TOP2A: variants seen among roughly 807,000 people sequenced by gnomAD.
The protein encoded by TOP2A is DNA topoisomerase II alpha, also known as DNA topoisomerase 2-alpha.
In TOP2A, 68 loss-of-function variants were observed where a neutral mutation model predicts 187.2. That is an observed-to-expected ratio of 0.36 (90% CI 0.30 to 0.44). The LOEUF is 0.44. Among genes scored for constraint, TOP2A ranks in the 20% least tolerant of loss-of-function variants. TOP2A has a pLI of 1.00. For synonymous variants in TOP2A, 542 were observed against 593.2 expected (o/e 0.91, Z 1.25); for missense variants, 1,196 against 1,808.7 (o/e 0.66, Z 6.14).
intron 10 of TOP2A, chr17:40,409,345 C>CA: frequency 2.5e-6 from 1 of 401,602 alleles, no homozygotes; most frequent in Non-Finnish European, 4.8e-6. Context: ...CACGGCACTC[C>CA]AGCCTGGGAA....
At chr17:40,404,552 CAAACAG>C in intron 17 of TOP2A, 61 bp from the exon 18 acceptor site, 10 of 974,810 alleles carry the variant, frequency 1.0e-5, no homozygotes, top group Non-Finnish European at 1.6e-5. Flanking sequence ...ACACAAAAAT[CAAACAG>C]AAACCTTTCA....
In TOP2A at chr17:40,413,825, C is replaced by T. The variant is rs563068187; in HGVS notation, c.333-200G>A. ...GGAGTTCTGGCCAACATGTTGAAAC[C>T]GTCTCTACTAAAAATAAAAAAAATT... On this transcript the variant is annotated intron_variant, in intron 4 of 34. Transcript: ENST00000423485. 1.2e-3 allele frequency among the ~76,000 whole-genome samples: 177 copies of T among 152,134 alleles called. 1 individual carries two copies. Among genetic ancestry groups the T allele is most frequent in the African/African-American group, 3.9e-3 (161 of 41,504 alleles).
At chr17:40,396,801 A>T (rs748404370) in intron 27 of TOP2A, among the ~76,000 whole-genome samples, 2 of 152,218 alleles carry the variant, frequency 1.3e-5, no homozygotes, top group Non-Finnish European at 2.9e-5. Context: ...CACTTATCCA[A>T]CCAACTGATT....
At chr17:40,413,128 T>C in intron 6 of TOP2A, 67 bp downstream of exon 6, 1 of 1,336,044 alleles carries the variant, frequency 7.5e-7, no homozygotes, top group Non-Finnish European at 1.0e-6. Flanking sequence ...AACCAATCAT[T>C]AATGCCATTA....
At chr17:40,397,033 C>T (rs147817882) in intron 27 of TOP2A, among the ~76,000 whole-genome samples, 2,301 of 151,736 alleles carry the variant, frequency 0.015, 29 homozygotes, top group Non-Finnish European at 0.023. Flanking sequence ...TAGGCCCACA[C>T]CACCATGCCT....
In TOP2A at chr17:40,411,904, T is replaced by C. The variant is rs1223450344; in HGVS notation, c.790-86A>G. On this transcript the variant is annotated intron_variant, in intron 7 of 34. Transcript: ENST00000423485. This position sits in a 1 kb window ranked among gnomAD's most constrained non-coding sequence, Gnocchi z 4.4. ...GACTATGAGGACTTTCCAAAACCAATGCAATGATGTTCACTGATAGGCATA... is the reference window on the plus strand; with the variant it reads ...GACTATGAGGACTTTCCAAAACCAACGCAATGATGTTCACTGATAGGCATA... The C allele has an allele frequency of 2.7e-6, 3 of 1,105,456 alleles. No homozygotes were observed. In the African/African-American group the frequency reaches 4.8e-5, roughly 18 times the overall value. 68.5% of individuals were successfully genotyped at this position (1,105,456 alleles called of 1,614,324 possible).
chr17:40,417,004 T>C, intron 1 of TOP2A, 109 bp from the exon 2 acceptor site: 1 of 965,532 alleles, frequency 1.0e-6, no homozygotes, highest in Non-Finnish European at 1.5e-6. Context: ...CATTGCAATC[T>C]GTTAGTAGGC....
intron 10 of TOP2A, chr17:40,409,389 AAAAT>A (rs1194075766): frequency 2.6e-5 from 11 of 420,760 alleles, no homozygotes; most frequent in Non-Finnish European, 4.2e-5. Flanking sequence ...AAAAAAATTA[AAAAT>A]AAATAAATAA....
At position 40,395,451 on chromosome 17, in the gene TOP2A, G is replaced by A; in HGVS notation, c.3809C>T (p.Pro1270Leu). The change falls in exon 29 of 35, where the codon CCA (proline) becomes CTA (leucine). Residue 1270 changes from proline to leucine, a missense_variant and splice_region_variant. Around this residue, in one of 10 missense-constraint regions of TOP2A, gnomAD observed 374 missense variants for 403.3 expected, o/e 0.93. Coordinates refer to ENST00000423485, the MANE Select transcript of TOP2A (RefSeq NM_001067.4). The stretch of plus-strand genomic sequence containing the variant: ...TTTTTCTAAAAATGTTGTAATACCT[G>A]GTTCTCTTTTCTGTTTCTTTTCTAA... ...QRLEKKQKRE[P>L]GTKTKKQTTL... 1 of 1,597,848 alleles carries A rather than the reference G, an allele frequency of 6.3e-7. No homozygotes were observed. The highest frequency in any genetic ancestry group is 2.2e-5 in the East Asian group (1 of 44,750).
chr17:40,404,500 C>T lies in TOP2A; in HGVS notation c.2047-9G>A, dbSNP rs775978965. 1.1e-5 allele frequency: 16 copies of T among 1,487,590 alleles called. No individual in the cohort carries two copies. 92.1% of individuals were successfully genotyped at this position (1,487,590 alleles called of 1,614,324 possible). A position where few individuals can be genotyped will look rare whatever the true frequency, so the allele number is the denominator to read the frequency against. On this transcript the variant is annotated splice_polypyrimidine_tract_variant and intron_variant, in intron 17 of 34. Coordinates refer to ENST00000423485, the MANE Select transcript of TOP2A (RefSeq NM_001067.4). ...TGTCCATACAAGTAATCCTGAAGGA[C>T]CAAATAGTATTACATGAGTCTACCG... is the stretch of plus-strand genomic sequence containing the variant.
rs749843531 is a variant in TOP2A at position 40,392,119 on chromosome 17, T to TA, written c.4089-9dup. The TA allele has an allele frequency of 0.021, 28,202 of 1,320,588 alleles. 89 individuals are homozygous for TA. The highest frequency in any genetic ancestry group is 0.026 in the Non-Finnish European group (25,390 of 965,402). The allele number at this position is 1,320,588 out of a possible 1,614,324, so 81.8% of individuals were successfully genotyped here. On this transcript the variant is annotated splice_polypyrimidine_tract_variant and intron_variant, in intron 31 of 34. Transcript: ENST00000423485. The stretch of plus-strand genomic sequence containing the variant: ...AGTTCTTTGTTACTAAGTCTAGAAT[T>TA]AAAAAAAAAAATCCTGACAACCAAT...
At chr17:40,397,785 T>TC (rs1191991917) in intron 27 of TOP2A, among the ~76,000 whole-genome samples, 1 of 151,500 alleles carries the variant, frequency 6.6e-6, no homozygotes, top group Admixed American at 6.6e-5. Context: ...AGTATTTTTT[T>TC]TTTTTTTTTT....
intron 10 of TOP2A, chr17:40,409,500 T>A: frequency 2.3e-6 from 1 of 444,080 alleles, no homozygotes; most frequent in South Asian, 1.6e-5. Flanking sequence ...GGCTTACGCC[T>A]GTAATCACAG....
At position 40,404,296 on chromosome 17, in the gene TOP2A, A is replaced by G. The variant is rs137937559; in HGVS notation, c.2162-23T>C. Reference sequence around the variant, plus strand: ...AACCTTTAAAATGAAATAAGAGCAAACGTAAGTATCCTCAATTTAACCAAT... The same window carrying G: ...AACCTTTAAAATGAAATAAGAGCAAGCGTAAGTATCCTCAATTTAACCAAT... On this transcript the variant is annotated intron_variant, in intron 18 of 34. Transcript: ENST00000423485. 573 of 1,610,228 alleles carry G rather than the reference A, an allele frequency of 3.6e-4. 1 individual carries two copies. Among genetic ancestry groups the G allele is most frequent in the Middle Eastern group, 5.0e-4 (3 of 6,056 alleles).
chr17:40,389,780 G>T (rs2034999891), intron 34 of TOP2A, 133 bp from the exon 35 acceptor site: 20 of 1,306,800 alleles, frequency 1.5e-5, no homozygotes, highest in Non-Finnish European at 2.1e-5. Context: ...CAGATCTAAG[G>T]CCAACTCTTC....
chr17:40,406,277 T>C, intron 16 of TOP2A, 107 bp downstream of exon 16: 2 of 752,344 alleles, frequency 2.7e-6, no homozygotes, highest in Non-Finnish European at 4.2e-6. Flanking sequence ...CTATAAAACA[T>C]TCTTTTTTTT....
chr17:40,401,198 T>C, intron 20 of TOP2A, 117 bp from the exon 21 acceptor site: 1 of 837,942 alleles, frequency 1.2e-6, no homozygotes, highest in Non-Finnish European at 1.8e-6. Context: ...TGCTGACTAA[T>C]ATACATTTAA....
chr17:40,393,641 CAT>C (rs2035054528), intron 29 of TOP2A, among the ~76,000 whole-genome samples: 1 of 152,186 alleles, frequency 6.6e-6, no homozygotes. Flanking sequence ...GTCTTTTTAA[CAT>C]ATGATACTGA....
chr17:40,399,899 C>T lies in TOP2A; in HGVS notation c.3169G>A (p.Glu1057Lys). ...KLNNQARFILEKIDGKIIIEN... is the reference protein window; with the variant it reads ...KLNNQARFILKKIDGKIIIEN... The stretch of plus-strand genomic sequence containing the variant: ...ATGATTATTTTGCCATCTATTTTCT[C>T]TAAGATAAAGCGAGCCTGATTATTC... Residue 1057 changes from glutamate to lysine, a missense_variant, in exon 24 of 35, where the codon GAG becomes AAG. Physicochemically the swap from Glu to Lys is moderately conservative, Grantham distance 56 (BLOSUM62 1). Coordinates refer to ENST00000423485, the MANE Select transcript of TOP2A (RefSeq NM_001067.4). The T allele has an allele frequency of 6.2e-7, 1 of 1,602,794 alleles. No homozygotes were observed. Among genetic ancestry groups the T allele is most frequent in the Non-Finnish European group, 8.5e-7 (1 of 1,176,744 alleles).
Sources: gnomAD v4.1 joint callset for allele counts (sites outside exome capture counted in the v4.1 genomes callset) on GRCh38, gnomAD v4.1.1 for gene constraint, gnomAD v4.1.1 regional missense constraint, Gnocchi (gnomAD v3.1) non-coding constraint, MANE v1.5 for transcripts, NCBI Gene and HGNC (gene_info 2026-07-23, HGNC 2026-07-21) for gene names.